The following PALLD variants were observed in gnomAD, a reference collection of about 807,000 sequenced individuals.
PALLD encodes the protein palladin, cytoskeletal associated protein.
PALLD carries 61 observed loss-of-function variants against 123.5 expected under a neutral mutation model. That is an observed-to-expected ratio of 0.49 (90% confidence interval 0.40 to 0.61). PALLD has a LOEUF of 0.61. Ranked by LOEUF, PALLD falls within the 20% of genes least tolerant of loss-of-function variation. The pLI is 0.00. For synonymous variants in PALLD, 465 were observed against 496.4 expected (o/e 0.94, Z 0.84); for missense variants, 1,273 against 1,377.0 (o/e 0.92, Z 1.20).
chr4:168,639,602 G>A (rs1408787922), intron 2 of PALLD, among the ~76,000 whole-genome samples: 1 of 149,694 alleles, frequency 6.7e-6, no homozygotes, highest in Non-Finnish European at 1.5e-5. Flanking sequence ...GGAGTGCAGT[G>A]GTGTGATCTT....
At chr4:168,536,589 A>G (rs1285279413) in intron 2 of PALLD, 1 of 150,376 alleles carries the variant, frequency 6.6e-6, no homozygotes, top group Non-Finnish European at 1.5e-5. Context: ...CACCTTCCAC[A>G]CAACGCAGCA....
intron 10 of PALLD, among the ~76,000 whole-genome samples, chr4:168,873,580 A>G (rs1310988736): frequency 6.6e-6 from 1 of 152,230 alleles, no homozygotes; most frequent in Non-Finnish European, 1.5e-5. Context: ...GTTTACTTTC[A>G]CATCATTTAT....
At chr4:168,621,036 A>G (rs992286387) in intron 2 of PALLD, among the ~76,000 whole-genome samples, 1 of 152,240 alleles carries the variant, frequency 6.6e-6, no homozygotes, top group Non-Finnish European at 1.5e-5. Flanking sequence ...ACACGTTGAC[A>G]AGACCCATTT....
intron 10 of PALLD, among the ~76,000 whole-genome samples, chr4:168,715,379 T>C (rs747426127): frequency 6.6e-6 from 1 of 152,244 alleles, no homozygotes; most frequent in Non-Finnish European, 1.5e-5. Context: ...GACTGCGAAG[T>C]GTGCTTAAAC....
At chr4:168,723,921 T>G (rs1362988428) in intron 10 of PALLD, among the ~76,000 whole-genome samples, 5 of 137,742 alleles carry the variant, frequency 3.6e-5, no homozygotes, top group Admixed American at 1.5e-4. Flanking sequence ...TCTGGTGGAG[T>G]CTCACTCTGT....
At chr4:168,859,340 G>C (rs908868842) in intron 10 of PALLD, among the ~76,000 whole-genome samples, 2 of 152,192 alleles carry the variant, frequency 1.3e-5, no homozygotes, top group Admixed American at 6.5e-5. Context: ...GGATGATCCT[G>C]TCTATGGAAG....
intron 10 of PALLD, among the ~76,000 whole-genome samples, chr4:168,824,832 T>G (rs1743199905): frequency 6.7e-6 from 1 of 148,832 alleles, no homozygotes; most frequent in African/African-American, 2.5e-5. Flanking sequence ...TTTTTTTTTT[T>G]TTTTTTTGAG....
chr4:168,896,867 T>C (rs1755301625), intron 13 of PALLD, among the ~76,000 whole-genome samples: 1 of 152,156 alleles, frequency 6.6e-6, no homozygotes, highest in Admixed American at 6.6e-5. Context: ...GTTTCGCTCT[T>C]GTTGCCCAGG....
chr4:168,637,943 CAAAA>C (rs11416996), intron 2 of PALLD, among the ~76,000 whole-genome samples: 5 of 60,442 alleles, frequency 8.3e-5, no homozygotes, highest in African/African-American at 2.9e-4. Flanking sequence ...GAATACATCT[CAAAA>C]AAAAAAAAAA....
chr4:168,835,398 C>A (rs997571115), intron 10 of PALLD, among the ~76,000 whole-genome samples: 3 of 152,126 alleles, frequency 2.0e-5, no homozygotes, highest in East Asian at 1.9e-4. Context: ...GTACTATATA[C>A]GTATTGGCTC....
chr4:168,848,150 T>TCCCCCCC (rs1560788333), intron 10 of PALLD, among the ~76,000 whole-genome samples: 7 of 113,164 alleles, frequency 6.2e-5, no homozygotes, highest in African/African-American at 1.8e-4. Flanking sequence ...CCTACCCCCG[T>TCCCCCCC]CCCACCCCAC....
chr4:168,785,295 T>G (rs933028815), intron 10 of PALLD, among the ~76,000 whole-genome samples: 14 of 152,096 alleles, frequency 9.2e-5, no homozygotes, highest in Admixed American at 3.9e-4. Context: ...CTTCGCTGTT[T>G]GTTCGACATC....
Position 168,543,364 on chromosome 4 carries a change from C to G in PALLD, c.908+30952C>G, listed in dbSNP as rs1765830396. ...CTTCCCTCTCCACATAATCTCGTCT[C>G]AACTGCAGGGACTACAGTTAAGTTT... On this transcript the variant is annotated intron_variant, in intron 2 of 21. Coordinates refer to ENST00000505667, the MANE Select transcript of PALLD (RefSeq NM_001166108.2). 2.0e-5 allele frequency among the ~76,000 whole-genome samples: 3 copies of G among 149,158 alleles called. No individual in the cohort carries two copies. In the South Asian group the frequency reaches 6.4e-4, roughly 32 times the overall value.
At chr4:168,619,738 C>T (rs899320597) in intron 2 of PALLD, among the ~76,000 whole-genome samples, 1 of 152,098 alleles carries the variant, frequency 6.6e-6, no homozygotes, top group Non-Finnish European at 1.5e-5. Context: ...ACACAATGTT[C>T]GAGGCTTGGA....
intron 10 of PALLD, among the ~76,000 whole-genome samples, chr4:168,862,262 G>C (rs1040313860): frequency 2.0e-5 from 3 of 151,926 alleles, no homozygotes; most frequent in Non-Finnish European, 4.4e-5. Flanking sequence ...GTTCTCCTGG[G>C]CTCAAGCAAG....
chr4:168,878,671 C>A (rs984340288), intron 10 of PALLD, among the ~76,000 whole-genome samples: 2 of 101,686 alleles, frequency 2.0e-5, no homozygotes, highest in East Asian at 5.8e-4. Flanking sequence ...AGTGCCCTCT[C>A]TTAATCATTA....
intron 10 of PALLD, among the ~76,000 whole-genome samples, chr4:168,812,372 G>A (rs776968036): frequency 5.3e-5 from 8 of 152,234 alleles, no homozygotes; most frequent in East Asian, 3.9e-4. Flanking sequence ...TTGGTTTGTC[G>A]GGGCACTGTA....
At chr4:168,706,813 A>T (rs9312352) in intron 8 of PALLD, among the ~76,000 whole-genome samples, 3 of 152,072 alleles carry the variant, frequency 2.0e-5, no homozygotes, top group Admixed American at 6.5e-5. Context: ...TAGTTTGATA[A>T]TACTTGGACA....
intron 10 of PALLD, among the ~76,000 whole-genome samples, chr4:168,853,917 T>G (rs1748187685): frequency 6.6e-6 from 1 of 152,182 alleles, no homozygotes; most frequent in Admixed American, 6.6e-5. Context: ...CAGCTCTGAC[T>G]TCTGCGGTTC....
Sources: gnomAD v4.1 joint callset for allele counts (sites outside exome capture counted in the v4.1 genomes callset) on GRCh38, gnomAD v4.1.1 for gene constraint, MANE v1.5 for transcripts, NCBI Gene and HGNC (gene_info 2026-07-23, HGNC 2026-07-21) for gene names.